SLC17A1: variants seen among roughly 807,000 people sequenced by gnomAD.
SLC17A1 encodes the protein sodium-dependent phosphate transport protein 1.
A neutral mutation model predicts 53.5 loss-of-function variants in SLC17A1; 51 were observed. The ratio of observed to expected loss-of-function variants is 0.95; its 90% CI spans 0.76 to 1.20. The LOEUF is 1.20. Among genes scored for constraint, SLC17A1 ranks in the 50% most tolerant of loss-of-function variants. The probability of loss-of-function intolerance (pLI) is 0.00; values close to 1 mark genes in which losing one functional copy is unlikely to be tolerated. For missense variants in SLC17A1, 538 were observed against 568.2 expected, an observed-to-expected ratio of 0.95 and a Z score of 0.54; for synonymous variants, 179 against 198.8, an observed-to-expected ratio of 0.90 and a Z score of 0.84.
intron 5 of SLC17A1, 30 bp downstream of exon 5, chr6:25,819,481 A>G: frequency 6.6e-7 from 1 of 1,523,978 alleles, no homozygotes; most frequent in Non-Finnish European, 9.1e-7. Flanking sequence ...TGAAGATAGG[A>G]TTCAAACATT....
At chr6:25,791,347 T>G (rs1763496921) in intron 12 of SLC17A1, among the ~76,000 whole-genome samples, 1 of 152,206 alleles carries the variant, frequency 6.6e-6, no homozygotes, top group African/African-American at 2.4e-5. Context: ...ATGTTTTTTT[T>G]GACCTGCCTG....
At chr6:25,726,840 T>C in the SLC17A1 span, 1 of 1,515,570 alleles carries the variant, frequency 6.6e-7, no homozygotes, top group Non-Finnish European at 8.9e-7. Flanking sequence ...TGAAGAGCTG[T>C]TGAGCACTGG....
At chr6:25,726,309 A>G in the SLC17A1 span, 2 of 1,614,062 alleles carry the variant, frequency 1.2e-6, no homozygotes, top group Non-Finnish European at 1.7e-6. Flanking sequence ...TTTTTTTGTT[A>G]TCGCGAGACG....
At chr6:25,817,614 G>T (rs1764404075) in intron 6 of SLC17A1, among the ~76,000 whole-genome samples, 1 of 152,202 alleles carries the variant, frequency 6.6e-6, no homozygotes, top group South Asian at 2.1e-4. Flanking sequence ...TCTTATCATA[G>T]AAATACAACA....
At position 25,819,820 on chromosome 6, in the gene SLC17A1, G is replaced by A. The variant is rs765363042; in HGVS notation, c.303C>T (p.Phe101=). 1.2e-6 allele frequency: 2 copies of A among 1,614,110 alleles called. No individual in the cohort carries two copies. The highest frequency in any genetic ancestry group is 3.3e-5 in the Admixed American group (2 of 60,024). ...VIIIQVPVGY[F]SGIYSTKKMI... ...TTTTCTTTGTAGAATATATTCCAGA[G>A]AAGTATCCAACAGGAACTTGGATGA... Residue 101 remains phenylalanine, a synonymous_variant, in exon 4 of 13, where the codon TTC becomes TTT. Coordinates refer to ENST00000244527, the MANE Select transcript of SLC17A1 (RefSeq NM_005074.5).
intron 6 of SLC17A1, 23 bp from the exon 7 acceptor site, chr6:25,813,236 A>C: frequency 1.3e-6 from 2 of 1,583,026 alleles, no homozygotes; most frequent in Non-Finnish European, 1.7e-6. Flanking sequence ...GGTAAGTTAG[A>C]ATTGGAAGTC....
chr6:25,805,580 C>G (rs947754391), intron 10 of SLC17A1, among the ~76,000 whole-genome samples: 1 of 151,780 alleles, frequency 6.6e-6, no homozygotes, highest in African/African-American at 2.4e-5. Flanking sequence ...ATCAATGAAA[C>G]AAAAGCCTGG....
At chr6:25,723,825 A>G in the SLC17A1 span, among the ~76,000 whole-genome samples, 1 of 152,186 alleles carries the variant, frequency 6.6e-6, no homozygotes, top group Non-Finnish European at 1.5e-5. Context: ...CAATATCACC[A>G]TTTTTATTAT....
the SLC17A1 span, chr6:25,726,594 G>T: frequency 6.5e-7 from 1 of 1,529,406 alleles, no homozygotes; most frequent in South Asian, 1.3e-5. Context: ...CCTATTTATA[G>T]TCTGACTGAG....
the SLC17A1 span, among the ~76,000 whole-genome samples, chr6:25,759,004 G>T: frequency 6.6e-6 from 1 of 152,204 alleles, no homozygotes; most frequent in South Asian, 2.1e-4. Flanking sequence ...TGTCACGGTT[G>T]TCGTTCAGTT....
chr6:25,774,222 G>GTA, the SLC17A1 span, among the ~76,000 whole-genome samples: 2 of 152,168 alleles, frequency 1.3e-5, no homozygotes, highest in African/African-American at 4.8e-5. Flanking sequence ...AGAAAAGTGT[G>GTA]TATATGTGTA....
the SLC17A1 span, among the ~76,000 whole-genome samples, chr6:25,766,843 G>T: frequency 6.6e-6 from 1 of 152,320 alleles, no homozygotes; most frequent in African/African-American, 2.4e-5. Context: ...GTCTGAGAAA[G>T]TGTCATACCA....
At position 25,825,074 on chromosome 6, in the gene SLC17A1, C is replaced by G. The variant is rs192002987; in HGVS notation, c.207+1387G>C. On this transcript the variant is annotated intron_variant, in intron 3 of 12. Coordinates refer to ENST00000244527, the MANE Select transcript of SLC17A1 (RefSeq NM_005074.5). ...TCATGGTTGCATAGTTTACATCTTT[C>G]TTCATCCCTTTACTTCTAACTTATC... is the stretch of plus-strand genomic sequence containing the variant. Among the ~76,000 whole-genome samples, 9 of 152,036 alleles carry G rather than the reference C, an allele frequency of 5.9e-5. No homozygotes were observed. In the East Asian group the frequency reaches 1.7e-3, roughly 29 times the overall value.
At chr6:25,777,159 G>A in the SLC17A1 span, 161 of 580,144 alleles carry the variant, frequency 2.8e-4, no homozygotes, top group African/African-American at 2.5e-3. Context: ...TTTTCTGGGC[G>A]TGAACAAGAG....
chr6:25,827,560 C>G (rs1253208963), intron 2 of SLC17A1, among the ~76,000 whole-genome samples: 1 of 152,114 alleles, frequency 6.6e-6, no homozygotes, highest in Non-Finnish European at 1.5e-5. Flanking sequence ...TCTCCAAAAT[C>G]AGCAATGGGA....
intron 12 of SLC17A1, among the ~76,000 whole-genome samples, chr6:25,789,152 T>G (rs1050218065): frequency 6.6e-6 from 1 of 151,994 alleles, no homozygotes; most frequent in Non-Finnish European, 1.5e-5. Context: ...CTTATTAGAG[T>G]GAGGACTGAT....
downstream of SLC17A1, chr6:25,779,526 C>T (rs1459588075): frequency 1.4e-5 from 3 of 209,142 alleles, no homozygotes; most frequent in East Asian, 2.4e-4. Flanking sequence ...AAGGGAGTTG[C>T]GCCCAACATG....
chr6:25,746,831 G>GA, the SLC17A1 span, among the ~76,000 whole-genome samples: 1 of 152,108 alleles, frequency 6.6e-6, no homozygotes, highest in Non-Finnish European at 1.5e-5. Flanking sequence ...TGCAACCAAT[G>GA]AAAAACAATA....
At chr6:25,726,639 C>G in the SLC17A1 span, 2 of 1,314,584 alleles carry the variant, frequency 1.5e-6, no homozygotes, top group Non-Finnish European at 2.1e-6. Context: ...TGATGGCCGT[C>G]TACCCAATCA....
Sources: allele counts gnomAD v4.1 joint callset (sites outside exome capture counted in the v4.1 genomes callset), GRCh38; gene constraint gnomAD v4.1.1; transcripts MANE v1.5; gene names NCBI Gene and HGNC (gene_info 2026-07-23, HGNC 2026-07-21).